The following MIS18A variants were observed in gnomAD, a reference collection of about 807,000 sequenced individuals.
MIS18A encodes the protein protein Mis18-alpha.
In MIS18A, 14 loss-of-function variants were observed where a neutral mutation model predicts 25.0. The ratio of observed to expected loss-of-function variants is 0.56; its 90% CI spans 0.37 to 0.88. MIS18A has a LOEUF of 0.88. Ranked by LOEUF, MIS18A falls within the 40% of genes least tolerant of loss-of-function variation. MIS18A has a pLI of 0.00. For synonymous variants in MIS18A, 134 were observed against 118.6 expected (o/e 1.13, Z -0.84); for missense variants, 292 against 290.8 (o/e 1.00, Z -0.03).
In MIS18A at chr21:32,270,444, T is replaced by C. The variant is rs370796041; in HGVS notation, c.487A>G (p.Arg163Gly). The C allele has an allele frequency of 5.0e-6, 8 of 1,613,786 alleles. No homozygotes were observed. The highest frequency in any genetic ancestry group is 6.8e-6 in the Non-Finnish European group (8 of 1,179,938). ...TCAACACTGAGGCAAAACAAGTCTC[T>C]CTTGTAATCAAGATTCTTGGGCGTG... is the stretch of plus-strand genomic sequence containing the variant. ...RCTPKNLDYK[R>G]DLFCLSVEAI... The change falls in exon 3 of 5, where the codon AGA becomes GGA. Residue 163 changes from arginine to glycine, a missense_variant. Physicochemically the swap from Arg to Gly is moderately radical, Grantham distance 125. Transcript: ENST00000290130.
chr21:32,192,705 T>C, the MIS18A span, among the ~76,000 whole-genome samples: 2 of 152,302 alleles, frequency 1.3e-5, no homozygotes, highest in Admixed American at 6.5e-5. Context: ...TTCTCCCCAC[T>C]TCCCCCTCTA....
chr21:32,271,333 A>C (rs2031711055), intron 2 of MIS18A, among the ~76,000 whole-genome samples: 1 of 152,242 alleles, frequency 6.6e-6, no homozygotes, highest in African/African-American at 2.4e-5. Context: ...TTATTACAAA[A>C]GTATTCTAAC....
At chr21:32,231,104 G>A in the MIS18A span, among the ~76,000 whole-genome samples, 1 of 151,868 alleles carries the variant, frequency 6.6e-6, no homozygotes, top group Admixed American at 6.6e-5. Flanking sequence ...AGGCATGGTG[G>A]TGCACACCTG....
At chr21:32,217,305 G>A in the MIS18A span, among the ~76,000 whole-genome samples, 5 of 151,932 alleles carry the variant, frequency 3.3e-5, no homozygotes, top group Admixed American at 6.6e-5. Flanking sequence ...GAATAAAAAC[G>A]ACCCAAATAG....
the MIS18A span, among the ~76,000 whole-genome samples, chr21:32,257,324 G>C: frequency 2.0e-5 from 3 of 152,234 alleles, no homozygotes; most frequent in African/African-American, 7.2e-5. Flanking sequence ...CAGAGATGCT[G>C]TTAAATAAAA....
chr21:32,179,439 GCA>G, the MIS18A span, among the ~76,000 whole-genome samples: 72,204 of 149,836 alleles, frequency 0.48, 17,368 homozygotes, highest in East Asian at 0.59. Flanking sequence ...ATGCACACAT[GCA>G]CACACACACA....
In MIS18A at chr21:32,269,041, C is replaced by T. The variant is rs755284139; in HGVS notation, c.698G>A (p.Ser233Asn). 1.3e-6 allele frequency: 2 copies of T among 1,599,184 alleles called. No individual in the cohort carries two copies. Among genetic ancestry groups the T allele is most frequent in the Admixed American group, 1.7e-5 (1 of 59,760 alleles). Residue 233 changes from serine (S) to asparagine (N), a missense_variant, in exon 5 of 5, where the codon AGC (serine) becomes AAC (asparagine). Ser to Asn is a conservative substitution (Grantham distance 46). Coordinates refer to ENST00000290130, the MANE Select transcript of MIS18A (RefSeq NM_018944.3). ...ESKLSFATCKS is the reference protein window; with the variant it reads ...ESKLSFATCKN ...ATGGAGGACACAGACTAGAGTTCAG[C>T]TTTTACAAGTGGCAAAGGACAATTT... is the stretch of plus-strand genomic sequence containing the variant.
At chr21:32,215,470 A>C in the MIS18A span, among the ~76,000 whole-genome samples, 1 of 152,146 alleles carries the variant, frequency 6.6e-6, no homozygotes, top group Non-Finnish European at 1.5e-5. Flanking sequence ...TGGTAGGCCA[A>C]GGGGTAGGAA....
At chr21:32,217,314 A>C in the MIS18A span, among the ~76,000 whole-genome samples, 1 of 152,234 alleles carries the variant, frequency 6.6e-6, no homozygotes, top group Non-Finnish European at 1.5e-5. Context: ...CGACCCAAAT[A>C]GAAATTCTAG....
chr21:32,163,536 C>T, the MIS18A span, among the ~76,000 whole-genome samples: 12 of 152,218 alleles, frequency 7.9e-5, no homozygotes, highest in East Asian at 1.2e-3. Context: ...CATCAGCATC[C>T]GCAAAATGAC....
chr21:32,209,837 C>T, the MIS18A span, among the ~76,000 whole-genome samples: 4 of 152,202 alleles, frequency 2.6e-5, no homozygotes, highest in African/African-American at 7.2e-5. Flanking sequence ...GTGTCTGCTT[C>T]CCCTTCCACC....
chr21:32,220,843 T>A, the MIS18A span, among the ~76,000 whole-genome samples: 1 of 151,900 alleles, frequency 6.6e-6, no homozygotes, highest in East Asian at 2.0e-4. Flanking sequence ...TAAACAAGTA[T>A]CAATAGCTGA....
At chr21:32,185,390 C>T in the MIS18A span, among the ~76,000 whole-genome samples, 1 of 152,200 alleles carries the variant, frequency 6.6e-6, no homozygotes. Context: ...CCAGGCCATG[C>T]TTCCAGAGGT....
chr21:32,240,117 G>C, the MIS18A span, among the ~76,000 whole-genome samples: 9 of 152,232 alleles, frequency 5.9e-5, no homozygotes, highest in Non-Finnish European at 1.3e-4. Context: ...ACAGTGCTGC[G>C]AACGTTGCAT....
At chr21:32,223,167 G>A in the MIS18A span, among the ~76,000 whole-genome samples, 1 of 152,026 alleles carries the variant, frequency 6.6e-6, no homozygotes, top group Admixed American at 6.6e-5. Context: ...GCCCACATGA[G>A]AACATGGGAA....
At chr21:32,258,027 GT>G in the MIS18A span, among the ~76,000 whole-genome samples, 1 of 152,086 alleles carries the variant, frequency 6.6e-6, no homozygotes, top group Non-Finnish European at 1.5e-5. Flanking sequence ...CAGATAGAGG[GT>G]TCCTGCCAAG....
At chr21:32,219,496 C>G in the MIS18A span, among the ~76,000 whole-genome samples, 1 of 152,212 alleles carries the variant, frequency 6.6e-6, no homozygotes. Context: ...CCAGAAGATT[C>G]CCTTGGGTGC....
chr21:32,249,996 C>T, the MIS18A span, among the ~76,000 whole-genome samples: 11 of 152,252 alleles, frequency 7.2e-5, no homozygotes, highest in African/African-American at 2.6e-4. Flanking sequence ...GAGGAGAAAA[C>T]CGAGGCTTAG....
chr21:32,157,149 G>A, the MIS18A span, among the ~76,000 whole-genome samples: 203 of 147,550 alleles, frequency 1.4e-3, no homozygotes, highest in Non-Finnish European at 2.5e-3. Context: ...TCTGCCGCCC[G>A]GGTTCAAATG....
Sources: allele counts gnomAD v4.1 joint callset (sites outside exome capture counted in the v4.1 genomes callset), GRCh38; gene constraint gnomAD v4.1.1; transcripts MANE v1.5; gene names NCBI Gene and HGNC (gene_info 2026-07-23, HGNC 2026-07-21).